The following CYP4F3 variants were observed in gnomAD, a reference collection of about 807,000 sequenced individuals.
CYP4F3 encodes cytochrome P450 family 4 subfamily F member 3, also known as cytochrome P450 4F3.
In CYP4F3, 50 loss-of-function variants were observed where a neutral mutation model predicts 54.8. The ratio of observed to expected loss-of-function variants is 0.91; its 90% CI spans 0.73 to 1.16. The LOEUF is 1.16. Among genes scored for constraint, CYP4F3 ranks in the 50% most tolerant of loss-of-function variants. The pLI is 0.00. For missense variants in CYP4F3, 715 were observed against 676.2 expected (o/e 1.06, Z -0.64); for synonymous variants, 244 against 262.6 (o/e 0.93, Z 0.69).
Position 15,647,192 on chromosome 19 carries a change from G to A in CYP4F3, c.398-5G>A. On this transcript the variant is annotated splice_polypyrimidine_tract_variant and splice_region_variant and intron_variant, in intron 4 of 12. Coordinates refer to ENST00000221307, the MANE Select transcript of CYP4F3 (RefSeq NM_000896.3). Reference sequence around the variant, plus strand: ...CTTGCCCATGGCCCTTGGCTGCCCTGCCAGGGGATGGGCTCCTGCTGAGTG... The same window carrying A: ...CTTGCCCATGGCCCTTGGCTGCCCTACCAGGGGATGGGCTCCTGCTGAGTG... 2.5e-6 allele frequency: 4 copies of A among 1,614,226 alleles called. No homozygotes were observed. Among genetic ancestry groups the A allele is most frequent in the Non-Finnish European group, 2.5e-6 (3 of 1,180,042 alleles).
chr19:15,654,078 A>G (rs1339690822), intron 9 of CYP4F3, among the ~76,000 whole-genome samples: 3 of 143,586 alleles, frequency 2.1e-5, no homozygotes, highest in African/African-American at 7.5e-5. Flanking sequence ...GGCTCAAGCC[A>G]GGCCAGGGGC....
chr19:15,646,770 A>T (rs1348732610), intron 3 of CYP4F3, among the ~76,000 whole-genome samples: 1 of 152,120 alleles, frequency 6.6e-6, no homozygotes, highest in Non-Finnish European at 1.5e-5. Context: ...GGTTTGCAGA[A>T]CATGTTGGAT....
At position 15,659,933 on chromosome 19, in the gene CYP4F3, A is replaced by C. The variant is rs1329279157; in HGVS notation, c.*548A>C. The C allele has an allele frequency of 1.3e-5, 2 of 152,772 alleles. No homozygotes were observed. The highest frequency in any genetic ancestry group is 2.9e-5 in the Non-Finnish European group (2 of 68,460). The allele number at this position is 152,772 out of a possible 1,614,324, so 9.5% of individuals were successfully genotyped here. ...ATGTTCCGGACCTAGATAGTGATGA[A>C]GGTAGCACGACACTGTGAGTGCACT... On this transcript the variant is annotated 3_prime_UTR_variant, in exon 13 of 13. Coordinates refer to ENST00000221307, the MANE Select transcript of CYP4F3 (RefSeq NM_000896.3).
rs140136303 is a variant in CYP4F3 at position 15,649,946 on chromosome 19, G to A, written c.681G>A (p.Glu227=). ...KPSEYIAAIL[E]LSALVTKRHQ... is the part of the protein sequence containing the mutation. ...GTGAATATATTGCCGCCATCTTGGA[G>A]CTCAGTGCCCTTGTGACAAAAAGAC... Residue 227 remains glutamate (E), a synonymous_variant, in exon 7 of 13, where the codon GAG becomes GAA. Transcript: ENST00000221307. 7.4e-5 allele frequency: 120 copies of A among 1,613,988 alleles called. No individual in the cohort carries two copies. The highest frequency in any genetic ancestry group is 1.0e-4 in the Non-Finnish European group (118 of 1,180,026).
chr19:15,652,251 A>G (rs1032689671), intron 7 of CYP4F3, among the ~76,000 whole-genome samples: 3 of 147,874 alleles, frequency 2.0e-5, no homozygotes, highest in East Asian at 4.1e-4. Context: ...ACAAATTGCC[A>G]TTTAATTATC....
chr19:15,645,939 C>T (rs1002071111), intron 3 of CYP4F3, 76 bp downstream of exon 3: 19 of 1,473,732 alleles, frequency 1.3e-5, no homozygotes, highest in Non-Finnish European at 1.7e-5. Flanking sequence ...CTCTGTGCTG[C>T]CTCCAGCGGG....
At chr19:15,658,058 T>G (rs1973074553) in intron 9 of CYP4F3, 1 of 940,086 alleles carries the variant, frequency 1.1e-6, no homozygotes, top group Non-Finnish European at 1.3e-6. Context: ...TCATGTCTTT[T>G]TCTGAGCTCT....
At chr19:15,641,346 T>C (rs373143675) in intron 1 of CYP4F3, 69 bp from the exon 2 acceptor site, 4 of 1,575,476 alleles carry the variant, frequency 2.5e-6, no homozygotes, top group African/African-American at 1.4e-5. Context: ...CTCTCTCCAC[T>C]GTCCCTGGAG....
chr19:15,649,325 A>C lies in CYP4F3; in HGVS notation c.647+44A>C, dbSNP rs746404557. The C allele has an allele frequency of 2.1e-5, 33 of 1,608,958 alleles. No individual in the cohort carries two copies. In the East Asian group the frequency reaches 7.2e-4, roughly 35 times the overall value. ...TCTGGGATCCTGGGCCGTGGACACA[A>C]AGTTGGTAGGTGGGGGGCTGGGGAG... is the stretch of plus-strand genomic sequence containing the variant. On this transcript the variant is annotated intron_variant, in intron 6 of 12. Transcript: ENST00000221307.
chr19:15,649,542 A>G lies in CYP4F3; in HGVS notation c.647+261A>G, dbSNP rs186411014. Among the ~76,000 whole-genome samples the G allele has an allele frequency of 1.9e-4, 29 of 152,272 alleles. 1 individual carries two copies. The highest frequency in any genetic ancestry group is 5.3e-4 in the African/African-American group (22 of 41,548). ...ACTAAATGGAGTTAACACTGATGCA[A>G]AGAAGCTAGGGTGGAAGCTGGACCA... On this transcript the variant is annotated intron_variant, in intron 6 of 12. Coordinates refer to ENST00000221307, the MANE Select transcript of CYP4F3 (RefSeq NM_000896.3).
intron 9 of CYP4F3, 106 bp downstream of exon 9, chr19:15,653,058 T>C (rs1179834864): frequency 4.1e-6 from 6 of 1,459,784 alleles, no homozygotes; most frequent in Admixed American, 2.3e-5. Flanking sequence ...CCACTATTGC[T>C]TAGTGGGAAT....
At position 15,658,516 on chromosome 19, in the gene CYP4F3, T is replaced by C. The variant is rs1164514232; in HGVS notation, c.1275T>C (p.Phe425=). 5.6e-6 allele frequency: 9 copies of C among 1,614,088 alleles called. No homozygotes were observed. Among genetic ancestry groups the C allele is most frequent in the African/African-American group, 1.3e-5 (1 of 74,924 alleles). ...GCATTATCTGCCTCATCAGTGTTTTTGGAACCCATCACAACCCAGCCGTGT... is the reference window on the plus strand; with the variant it reads ...GCATTATCTGCCTCATCAGTGTTTTCGGAACCCATCACAACCCAGCCGTGT... The part of the protein sequence containing the change: ...PKGIICLISV[F]GTHHNPAVWP... Residue 425 remains phenylalanine (F), a synonymous_variant, in exon 11 of 13, where the codon TTT becomes TTC. Transcript: ENST00000221307.
chr19:15,642,917 G>A (rs144236202), intron 2 of CYP4F3, among the ~76,000 whole-genome samples: 1 of 116,604 alleles, frequency 8.6e-6, no homozygotes, highest in Admixed American at 9.0e-5. Flanking sequence ...TGGATGGATG[G>A]ATGGATAATA....
At chr19:15,655,328 T>G (rs1599908626) in intron 9 of CYP4F3, among the ~76,000 whole-genome samples, 1 of 152,236 alleles carries the variant, frequency 6.6e-6, no homozygotes, top group East Asian at 1.9e-4. Flanking sequence ...GTGGGTTGAT[T>G]CTTCGCTTTG....
At chr19:15,653,421 T>C (rs1972919601) in intron 9 of CYP4F3, among the ~76,000 whole-genome samples, 2 of 152,122 alleles carry the variant, frequency 1.3e-5, no homozygotes, top group African/African-American at 4.8e-5. Context: ...GTTCAGCAAA[T>C]ACTCTCATAC....
chr19:15,661,113 T>G lies in CYP4F3; in HGVS notation c.*1728T>G, dbSNP rs1416277406. 1 of 152,046 alleles carries G rather than the reference T, an allele frequency of 6.6e-6. No individual in the cohort carries two copies. The highest frequency in any genetic ancestry group is 1.5e-5 in the Non-Finnish European group (1 of 68,014). The allele number at this position is 152,046 out of a possible 1,614,324, so 9.4% of individuals were successfully genotyped here. On this transcript the variant is annotated 3_prime_UTR_variant, in exon 13 of 13. Transcript: ENST00000221307. ...TCCCCTCTCTACTAAAATACAAAAG[T>G]TAGCTGGTCATGGTGGTGCGGGCCT... is the stretch of plus-strand genomic sequence containing the variant.
chr19:15,660,158 A>G lies in CYP4F3; in HGVS notation c.*773A>G, dbSNP rs1430172179. On this transcript the variant is annotated 3_prime_UTR_variant, in exon 13 of 13. Transcript: ENST00000221307. ...GTTCTTCAAAATGTGCATGTTAAGT[A>G]TTCAAATCAGTCTTAAATTTTTAAA... The G allele has an allele frequency of 2.0e-5, 3 of 152,224 alleles. No individual in the cohort carries two copies. Among genetic ancestry groups the G allele is most frequent in the African/African-American group, 7.2e-5 (3 of 41,458 alleles). 9.4% of individuals were successfully genotyped at this position (152,224 alleles called of 1,614,324 possible). A position where few individuals can be genotyped will look rare whatever the true frequency, so the allele number is the denominator to read the frequency against.
intron 2 of CYP4F3, 95 bp downstream of exon 2, chr19:15,641,708 T>A: frequency 9.7e-7 from 1 of 1,031,128 alleles, no homozygotes; most frequent in Non-Finnish European, 1.5e-6. Flanking sequence ...TGGGCTGGGG[T>A]CTGGGGTGGC....
chr19:15,654,121 G>C (rs1276194988), intron 9 of CYP4F3, among the ~76,000 whole-genome samples: 2 of 152,126 alleles, frequency 1.3e-5, no homozygotes, highest in Non-Finnish European at 2.9e-5. Context: ...GGAGTGGACG[G>C]GTGTCTTGGA....
Sources: gnomAD v4.1 joint callset for allele counts (sites outside exome capture counted in the v4.1 genomes callset) on GRCh38, gnomAD v4.1.1 for gene constraint, MANE v1.5 for transcripts, NCBI Gene and HGNC (gene_info 2026-07-23, HGNC 2026-07-21) for gene names.